The following CNTNAP2 variants were observed in gnomAD, a reference collection of about 807,000 sequenced individuals.
CNTNAP2 encodes the protein contactin associated protein 2.
A neutral mutation model predicts 155.2 loss-of-function variants in CNTNAP2; 98 were observed. The ratio of observed to expected loss-of-function variants is 0.63; its 90% CI spans 0.54 to 0.75. The LOEUF (loss-of-function observed/expected upper bound fraction) is 0.75, where lower values mean the gene tolerates loss of function less well. Ranked by LOEUF, CNTNAP2 falls within the 30% of genes least tolerant of loss-of-function variation. The probability of loss-of-function intolerance (pLI) is 0.00; values close to 1 mark genes in which losing one functional copy is unlikely to be tolerated. For missense variants in CNTNAP2, 1,727 were observed against 1,688.1 expected (o/e 1.02, Z -0.40); for synonymous variants, 651 against 631.2 (o/e 1.03, Z -0.47).
chr7:148,010,760 C>T (rs1802066734), intron 15 of CNTNAP2, among the ~76,000 whole-genome samples: 2 of 151,980 alleles, frequency 1.3e-5, no homozygotes, highest in South Asian at 2.1e-4. Context: ...CCTCTGCCCC[C>T]ACATATGCAC....
intron 3 of CNTNAP2, among the ~76,000 whole-genome samples, chr7:146,935,350 TA>T (rs1241294880): frequency 7.9e-5 from 12 of 152,338 alleles, no homozygotes; most frequent in African/African-American, 2.9e-4. Context: ...TATATGTAGA[TA>T]ACCTTATATT....
chr7:146,443,255 A>AATAAATAAATAG (rs1365786551), intron 1 of CNTNAP2, among the ~76,000 whole-genome samples: 2 of 150,452 alleles, frequency 1.3e-5, no homozygotes, highest in Admixed American at 6.6e-5. Flanking sequence ...TAAATAAATA[A>AATAAATAAATAG]ATAGATAAAT....
intron 20 of CNTNAP2, among the ~76,000 whole-genome samples, chr7:148,254,080 G>A (rs1796418714): frequency 1.3e-5 from 2 of 152,104 alleles, no homozygotes; most frequent in Admixed American, 1.3e-4. Context: ...ATTTCTGTGA[G>A]GGGATCATCT....
intron 15 of CNTNAP2, among the ~76,000 whole-genome samples, chr7:148,049,820 T>A (rs1327751696): frequency 6.6e-6 from 1 of 152,246 alleles, no homozygotes; most frequent in East Asian, 1.9e-4. Context: ...TATATTATAT[T>A]ATACATTTTA....
At chr7:148,393,112 A>T (rs915975142) in intron 22 of CNTNAP2, among the ~76,000 whole-genome samples, 4 of 151,888 alleles carry the variant, frequency 2.6e-5, no homozygotes, top group East Asian at 1.9e-4. Flanking sequence ...AGAACTTTTT[A>T]AAATTACATA....
chr7:147,099,218 A>G (rs1800607450), intron 4 of CNTNAP2, among the ~76,000 whole-genome samples: 1 of 152,170 alleles, frequency 6.6e-6, no homozygotes, highest in Non-Finnish European at 1.5e-5. Flanking sequence ...AAGACGGATC[A>G]TGGTCCAGAA....
At chr7:146,655,411 C>T (rs1417596036) in intron 1 of CNTNAP2, among the ~76,000 whole-genome samples, 1 of 55,486 alleles carries the variant, frequency 1.8e-5, no homozygotes, top group African/African-American at 8.5e-5. Context: ...GAGACTCTGT[C>T]TCAAAAAAAA....
intron 20 of CNTNAP2, among the ~76,000 whole-genome samples, chr7:148,251,218 C>T (rs1796357395): frequency 6.6e-6 from 1 of 152,162 alleles, no homozygotes; most frequent in Non-Finnish European, 1.5e-5. Context: ...TCAGAGGTTC[C>T]CACTACTCCC....
At chr7:147,368,459 A>G (rs1260394175) in intron 9 of CNTNAP2, among the ~76,000 whole-genome samples, 2 of 151,982 alleles carry the variant, frequency 1.3e-5, no homozygotes, top group African/African-American at 2.4e-5. Flanking sequence ...TACTTGAAAT[A>G]TAGAGTGTCT....
chr7:147,133,814 C>T (rs1476457185), intron 8 of CNTNAP2, among the ~76,000 whole-genome samples: 1 of 152,030 alleles, frequency 6.6e-6, no homozygotes, highest in African/African-American at 2.4e-5. Flanking sequence ...TTATTGAAAT[C>T]AAAGGTATTG....
chr7:147,433,197 C>A (rs939039795), intron 10 of CNTNAP2, among the ~76,000 whole-genome samples: 1 of 152,214 alleles, frequency 6.6e-6, no homozygotes, highest in African/African-American at 2.4e-5. Context: ...TTTAAATCTT[C>A]AACCATCATC....
chr7:146,940,425 C>T (rs1399662944), intron 3 of CNTNAP2, among the ~76,000 whole-genome samples: 1 of 151,966 alleles, frequency 6.6e-6, no homozygotes, highest in African/African-American at 2.4e-5. Context: ...GATCTCCTGA[C>T]CTCGTGATCT....
At chr7:147,930,326 G>A (rs1585034605) in intron 14 of CNTNAP2, among the ~76,000 whole-genome samples, 1 of 152,164 alleles carries the variant, frequency 6.6e-6, no homozygotes, top group South Asian at 2.1e-4. Context: ...ATTAAATACT[G>A]TCTACAGGAG....
intron 11 of CNTNAP2, among the ~76,000 whole-genome samples, chr7:147,558,995 C>G (rs1304628726): frequency 6.6e-6 from 1 of 152,118 alleles, no homozygotes; most frequent in Admixed American, 6.5e-5. Context: ...GTTGGCCTCC[C>G]AAAGTGCTGG....
intron 1 of CNTNAP2, among the ~76,000 whole-genome samples, chr7:146,346,875 A>G (rs1050491410): frequency 1.3e-5 from 2 of 152,166 alleles, no homozygotes; most frequent in African/African-American, 4.8e-5. Context: ...CCGATAGTGC[A>G]TGACCATTAA....
chr7:147,434,553 G>A (rs546172058), intron 10 of CNTNAP2, among the ~76,000 whole-genome samples: 1 of 152,134 alleles, frequency 6.6e-6, no homozygotes, highest in Non-Finnish European at 1.5e-5. Flanking sequence ...AATATCTTCC[G>A]TCTACATGTA....
chr7:147,029,603 G>A (rs1798990079), intron 3 of CNTNAP2, among the ~76,000 whole-genome samples: 1 of 151,796 alleles, frequency 6.6e-6, no homozygotes, highest in Non-Finnish European at 1.5e-5. Context: ...GGAAAAAATG[G>A]CTTCTGTAGA....
intron 13 of CNTNAP2, among the ~76,000 whole-genome samples, chr7:147,800,449 C>T (rs929924526): frequency 6.6e-5 from 10 of 151,704 alleles, no homozygotes; most frequent in African/African-American, 2.4e-4. Flanking sequence ...TATAGAAAAG[C>T]ATTTTAAGCA....
chr7:148,362,901 T>C (rs1798653628), intron 21 of CNTNAP2, among the ~76,000 whole-genome samples: 1 of 152,222 alleles, frequency 6.6e-6, no homozygotes, highest in Non-Finnish European at 1.5e-5. Context: ...ACCCATTCAG[T>C]AGAAACCGTC....
Sources: allele counts gnomAD v4.1 joint callset (sites outside exome capture counted in the v4.1 genomes callset), GRCh38; gene constraint gnomAD v4.1.1; transcripts MANE v1.5; gene names NCBI Gene and HGNC (gene_info 2026-07-23, HGNC 2026-07-21).